Variants in CFLAR observed in about 807,000 individuals in gnomAD.
CFLAR encodes CASP8 and FADD-like apoptosis regulator.
A neutral mutation model predicts 51.1 loss-of-function variants in CFLAR; 14 were observed. The ratio of observed to expected loss-of-function variants is 0.27; its 90% CI spans 0.18 to 0.43. CFLAR has a LOEUF of 0.43. Among genes scored for constraint, CFLAR ranks in the 20% least tolerant of loss-of-function variants. CFLAR has a pLI of 1.00. For missense variants in CFLAR, 390 were observed against 566.5 expected (o/e 0.69, Z 3.16); for synonymous variants, 210 against 211.6 (o/e 0.99, Z 0.06).
At chr2:201,157,572 C>T (rs1260625518) in intron 8 of CFLAR, among the ~76,000 whole-genome samples, 1 of 152,020 alleles carries the variant, frequency 6.6e-6, no homozygotes, top group Non-Finnish European at 1.5e-5. Context: ...AGACGGGGTT[C>T]CCTGTGATGC....
intron 9 of CFLAR, among the ~76,000 whole-genome samples, chr2:201,161,314 T>A (rs913998582): frequency 4.6e-5 from 7 of 152,226 alleles, no homozygotes; most frequent in East Asian, 1.9e-4. Context: ...GAGGCTGCAG[T>A]GAGTCGTGAT....
At chr2:201,137,039 G>C (rs1184393155) in intron 4 of CFLAR, 1 of 176,884 alleles carries the variant, frequency 5.7e-6, no homozygotes, top group African/African-American at 2.4e-5. Flanking sequence ...TGGGGAAGGG[G>C]GCAGAGACCT....
At chr2:201,148,805 A>T (rs553070149) in intron 6 of CFLAR, 198 bp from the exon 7 acceptor site, 5 of 520,176 alleles carry the variant, frequency 9.6e-6, no homozygotes, top group African/African-American at 7.7e-5. Context: ...CCCTGATAGC[A>T]CTGGGACTTG....
intron 8 of CFLAR, among the ~76,000 whole-genome samples, chr2:201,158,859 A>ATTATTG (rs1379940525): frequency 8.0e-6 from 1 of 124,660 alleles, no homozygotes; most frequent in South Asian, 2.4e-4. Context: ...CATCATTATT[A>ATTATTG]TTATTATTAT....
chr2:201,133,179 A>G, intron 3 of CFLAR, 45 bp downstream of exon 3: 3 of 1,410,454 alleles, frequency 2.1e-6, no homozygotes, highest in Non-Finnish European at 3.0e-6. Flanking sequence ...GCCTATCAGA[A>G]GTGGGAGCTA....
chr2:201,132,680 G>C (rs557220259), intron 2 of CFLAR: 2 of 192,532 alleles, frequency 1.0e-5, no homozygotes, highest in South Asian at 3.7e-4. Context: ...TTCTATTTCT[G>C]TCTTTTATGT....
At chr2:201,139,022 A>C in intron 4 of CFLAR, 1 of 470,704 alleles carries the variant, frequency 2.1e-6, no homozygotes, top group South Asian at 1.6e-5. Context: ...AGAAAGAGAG[A>C]TCAGATTGTT....
At chr2:201,136,410 G>T (rs2050129500) in intron 4 of CFLAR, 2 of 1,598,298 alleles carry the variant, frequency 1.3e-6, no homozygotes, top group African/African-American at 1.3e-5. Flanking sequence ...ACATTCAGGG[G>T]TTTTGCATGT....
rs146577108 is a variant in CFLAR at position 201,137,195 on chromosome 2, C to T, written c.523+1088C>T. Reference sequence around the variant, plus strand: ...CCCTATAGGAGAAGCCAGGAGGGGCCGTCTGCCCCTGAGGTGGGGGCTGGG... The same window carrying T: ...CCCTATAGGAGAAGCCAGGAGGGGCTGTCTGCCCCTGAGGTGGGGGCTGGG... On this transcript the variant is annotated intron_variant, in intron 4 of 9. Transcript: ENST00000309955. The T allele has an allele frequency of 4.5e-3, 916 of 202,588 alleles. 12 individuals are homozygous for T. The highest frequency in any genetic ancestry group is 0.019 in the African/African-American group (794 of 42,506). 12.5% of individuals were successfully genotyped at this position (202,588 alleles called of 1,614,324 possible).
Position 201,116,338 on chromosome 2 carries a change from A to T in CFLAR, c.-281A>T, listed in dbSNP as rs1318760865. On this transcript the variant is annotated 5_prime_UTR_variant, in exon 1 of 10. The change creates a new upstream start codon in the 5' untranslated region. Coordinates refer to ENST00000309955, the MANE Select transcript of CFLAR (RefSeq NM_003879.7). This position sits in a 1 kb window ranked among gnomAD's most constrained non-coding sequence, Gnocchi z 4.8. ...ACCACGGGAGGAGGTGTAGGAGAGA[A>T]GCGCCGCGAACAGCGATCGCCCAGC... is the stretch of plus-strand genomic sequence containing the variant. The T allele has an allele frequency of 2.0e-5, 3 of 152,308 alleles. No individual in the cohort carries two copies. The highest frequency in any genetic ancestry group is 2.0e-4 in the Admixed American group (3 of 15,286). 9.4% of individuals were successfully genotyped at this position (152,308 alleles called of 1,614,324 possible). A position where few individuals can be genotyped will look rare whatever the true frequency, so the allele number is the denominator to read the frequency against.
chr2:201,154,169 G>A (rs749911810), intron 8 of CFLAR: 67 of 262,124 alleles, frequency 2.6e-4, no homozygotes, highest in Middle Eastern at 1.3e-3. Context: ...TCAGCTCACC[G>A]CAATCTCCAC....
chr2:201,159,154 A>G (rs948224470), intron 8 of CFLAR, among the ~76,000 whole-genome samples: 1 of 151,824 alleles, frequency 6.6e-6, no homozygotes, highest in Admixed American at 6.6e-5. Flanking sequence ...CTAGGATTAC[A>G]GATGTGAGCC....
intron 2 of CFLAR, among the ~76,000 whole-genome samples, chr2:201,132,428 A>C (rs2518138): frequency 2.4e-5 from 3 of 126,992 alleles, no homozygotes; most frequent in Non-Finnish European, 3.4e-5. Context: ...TAGGGGGGGA[A>C]AAATATATAT....
At chr2:201,148,804 C>G in intron 6 of CFLAR, 199 bp from the exon 7 acceptor site, 1 of 518,420 alleles carries the variant, frequency 1.9e-6, no homozygotes, top group South Asian at 2.2e-5. Flanking sequence ...CCCCTGATAG[C>G]ACTGGGACTT....
intron 1 of CFLAR, among the ~76,000 whole-genome samples, chr2:201,121,447 C>G (rs755363261): frequency 6.6e-6 from 1 of 152,108 alleles, no homozygotes; most frequent in Non-Finnish European, 1.5e-5. Context: ...AGGACCCAGG[C>G]AAGAGATGAG....
At position 201,164,325 on chromosome 2, in the gene CFLAR, C is replaced by G. The variant is rs1943344169; in HGVS notation, c.*352C>G. 6.0e-6 allele frequency: 1 copy of G among 165,504 alleles called. No homozygotes were observed. The highest frequency in any genetic ancestry group is 1.3e-5 in the Non-Finnish European group (1 of 76,156). 10.3% of individuals were successfully genotyped at this position (165,504 alleles called of 1,614,324 possible). A position where few individuals can be genotyped will look rare whatever the true frequency, so the allele number is the denominator to read the frequency against. On this transcript the variant is annotated 3_prime_UTR_variant, in exon 10 of 10. Coordinates refer to ENST00000309955, the MANE Select transcript of CFLAR (RefSeq NM_003879.7). The stretch of plus-strand genomic sequence containing the variant: ...GAACTATCTTACTCAATGTATTAGT[C>G]ATGTTTCTCTAGAGGGACAGAACTA...
At chr2:201,148,848 T>G in intron 6 of CFLAR, 155 bp from the exon 7 acceptor site, 1 of 584,764 alleles carries the variant, frequency 1.7e-6, no homozygotes, top group Non-Finnish European at 3.1e-6. Context: ...CAGTGTGAGG[T>G]TGAAACCTTG....
At chr2:201,157,931 C>T (rs1299061630) in intron 8 of CFLAR, 2 of 152,216 alleles carry the variant, frequency 1.3e-5, no homozygotes, top group African/African-American at 4.8e-5. Flanking sequence ...GGAGTGACTC[C>T]CTTGCCACAG....
At position 201,133,218 on chromosome 2, in the gene CFLAR, G is replaced by A. The variant is rs1349222383; in HGVS notation, c.387+84G>A. ...TTGTTGATACAGAGAGAGGGAAGCAGGCAGTCTGCCGCCACTATAGTGGGA... is the reference window on the plus strand; with the variant it reads ...TTGTTGATACAGAGAGAGGGAAGCAAGCAGTCTGCCGCCACTATAGTGGGA... On this transcript the variant is annotated intron_variant, in intron 3 of 9. Coordinates refer to ENST00000309955, the MANE Select transcript of CFLAR (RefSeq NM_003879.7). 3 of 992,614 alleles carry A rather than the reference G, an allele frequency of 3.0e-6. No homozygotes were observed. The African/African-American group carries it at 4.8e-5, about 16-fold the overall frequency. 61.5% of individuals were successfully genotyped at this position (992,614 alleles called of 1,614,324 possible). A position where few individuals can be genotyped will look rare whatever the true frequency, so the allele number is the denominator to read the frequency against.
Sources: allele counts gnomAD v4.1 joint callset (sites outside exome capture counted in the v4.1 genomes callset), GRCh38; gene constraint gnomAD v4.1.1; non-coding constraint Gnocchi (gnomAD v3.1); transcripts MANE v1.5; gene names NCBI Gene and HGNC (gene_info 2026-07-23, HGNC 2026-07-21).